MFNG: variants seen among roughly 807,000 people sequenced by gnomAD.
MFNG encodes the protein beta-1,3-N-acetylglucosaminyltransferase manic fringe.
In MFNG, 24 loss-of-function variants were observed where a neutral mutation model predicts 34.2. The ratio of observed to expected loss-of-function variants is 0.70; its 90% CI spans 0.51 to 0.99. The LOEUF (loss-of-function observed/expected upper bound fraction) is 0.99, where lower values mean the gene tolerates loss of function less well. Ranked by LOEUF, MFNG falls within the 50% of genes least tolerant of loss-of-function variation. The probability of loss-of-function intolerance (pLI) is 0.00; values close to 1 mark genes in which losing one functional copy is unlikely to be tolerated. For missense variants in MFNG, 383 were observed against 424.0 expected (o/e 0.90, Z 0.85); for synonymous variants, 158 against 179.2 (o/e 0.88, Z 0.94).
intron 5 of MFNG, among the ~76,000 whole-genome samples, chr22:37,476,271 G>A (rs184117197): frequency 1.6e-3 from 240 of 150,346 alleles, no homozygotes; most frequent in African/African-American, 5.3e-3. Flanking sequence ...CCCACACTGC[G>A]GCCTCCACTA....
At chr22:37,476,836 C>T (rs1922062421) in intron 5 of MFNG, 60 bp downstream of exon 5, 1 of 1,396,182 alleles carries the variant, frequency 7.2e-7, no homozygotes, top group Admixed American at 1.8e-5. Context: ...AAAGGCCCCT[C>T]CTGTACCCCA....
chr22:37,478,623 G>A (rs1922144155), intron 4 of MFNG, among the ~76,000 whole-genome samples: 1 of 152,094 alleles, frequency 6.6e-6, no homozygotes, highest in Non-Finnish European at 1.5e-5. Flanking sequence ...GGTGGGGAAG[G>A]GTTCTGGGGC....
intron 7 of MFNG, among the ~76,000 whole-genome samples, chr22:37,470,807 A>T (rs1329025953): frequency 6.6e-6 from 1 of 152,084 alleles, no homozygotes; most frequent in Non-Finnish European, 1.5e-5. Context: ...CCACGTCCCC[A>T]ACCAAATTTG....
At chr22:37,471,899 T>C (rs1921823687) in intron 7 of MFNG, among the ~76,000 whole-genome samples, 1 of 137,738 alleles carries the variant, frequency 7.3e-6, no homozygotes. Flanking sequence ...AAGCTGCATA[T>C]CACAGGCTAT....
intron 7 of MFNG, among the ~76,000 whole-genome samples, chr22:37,470,574 C>T (rs982047819): frequency 2.0e-5 from 3 of 152,230 alleles, no homozygotes; most frequent in Admixed American, 6.5e-5. Flanking sequence ...CAGCTTCGTT[C>T]GTCTTGGAAT....
Position 37,485,185 on chromosome 22 carries a change from A to G in MFNG, c.255+738T>C, listed in dbSNP as rs548643151. 1.5e-4 allele frequency among the ~76,000 whole-genome samples: 22 copies of G among 149,680 alleles called. No individual in the cohort carries two copies. The highest frequency in any genetic ancestry group is 7.8e-4 in the East Asian group (4 of 5,104). On this transcript the variant is annotated intron_variant, in intron 1 of 7. Transcript: ENST00000356998. The surrounding 1 kb of genome is among the most constrained non-coding windows in gnomAD (Gnocchi z 5.3). Reference sequence around the variant, plus strand: ...ACACTCCAGCTCCGTGCGTGTGAGCACACACACACACACACACACAATCCC... The same window carrying G: ...ACACTCCAGCTCCGTGCGTGTGAGCGCACACACACACACACACACAATCCC...
chr22:37,482,771 C>G lies in MFNG; in HGVS notation c.256-2002G>C, dbSNP rs1326982785. Among the ~76,000 whole-genome samples the G allele has an allele frequency of 6.6e-6, 1 of 152,192 alleles. No individual in the cohort carries two copies. Among genetic ancestry groups the G allele is most frequent in the Admixed American group, 6.5e-5 (1 of 15,278 alleles). On this transcript the variant is annotated intron_variant, in intron 1 of 7. Coordinates refer to ENST00000356998, the MANE Select transcript of MFNG (RefSeq NM_002405.4). The surrounding 1 kb of genome is among the most constrained non-coding windows in gnomAD (Gnocchi z 4.1). ...CCTTGCTCCGGCACCTGGCTCTCCT[C>G]AGGAAGGCCTGTGCAGCATCCACCC...
intron 4 of MFNG, 94 bp from the exon 5 acceptor site, chr22:37,477,075 G>T: frequency 9.9e-7 from 1 of 1,009,650 alleles, no homozygotes; most frequent in East Asian, 2.4e-5. Flanking sequence ...AACCAGCATG[G>T]CTCAAAAGCC....
intron 7 of MFNG, among the ~76,000 whole-genome samples, chr22:37,471,401 C>G (rs185039154): frequency 2.2e-4 from 33 of 152,312 alleles, no homozygotes; most frequent in African/African-American, 7.5e-4. Context: ...CAAGGTGAAG[C>G]CAGCCCATCA....
At chr22:37,480,965 G>T in intron 1 of MFNG, 196 bp from the exon 2 acceptor site, 2 of 603,132 alleles carry the variant, frequency 3.3e-6, no homozygotes, top group Non-Finnish European at 3.0e-6. Context: ...ACAACTTCAG[G>T]GTGTACACAG....
intron 7 of MFNG, among the ~76,000 whole-genome samples, chr22:37,470,521 A>G (rs778052991): frequency 1.7e-4 from 26 of 152,262 alleles, no homozygotes; most frequent in Non-Finnish European, 3.1e-4. Flanking sequence ...CAGTATAGCT[A>G]CGGCTTACAC....
Position 37,483,777 on chromosome 22 carries a change from T to C in MFNG, c.255+2146A>G, listed in dbSNP as rs1253495165. ...AACAGAGTGAGACTCTGTCTCAAAA[T>C]AAACAAAACAAAACACCAGCAGCCA... On this transcript the variant is annotated intron_variant, in intron 1 of 7. Coordinates refer to ENST00000356998, the MANE Select transcript of MFNG (RefSeq NM_002405.4). The surrounding 1 kb of genome is among the most constrained non-coding windows in gnomAD (Gnocchi z 4.5). Among the ~76,000 whole-genome samples the C allele has an allele frequency of 6.6e-6, 1 of 151,012 alleles. No individual in the cohort carries two copies. The highest frequency in any genetic ancestry group is 1.5e-5 in the Non-Finnish European group (1 of 67,832).
rs1450618740 is a variant in MFNG, at chr22:37,472,528, C to T, written c.814G>A (p.Val272Ile). Residue 272 changes from valine (V) to isoleucine (I), a missense_variant and splice_region_variant, in exon 7 of 8, where the codon GTC becomes ATC. Coordinates refer to ENST00000356998, the MANE Select transcript of MFNG (RefSeq NM_002405.4). ...LLRTAQLPEQ[V>I]TLSYGVFEGK... ...TCAAAGACACCGTAGCTGAGGGTGA[C>T]CTGGGCAGGGAGATAGAAGAGTGTT... The T allele has an allele frequency of 1.3e-6, 2 of 1,580,412 alleles. No individual in the cohort carries two copies. The highest frequency in any genetic ancestry group is 2.8e-5 in the African/African-American group (2 of 72,296).
rs941978085 is a variant in MFNG at position 37,469,584 on chromosome 22, G to T, written c.*379C>A. ...GCGCTTGAGCCCCAGGGGAATGACTGAGAGACATTAGCCAGGGCCAACGGC... is the reference window on the plus strand; with the variant it reads ...GCGCTTGAGCCCCAGGGGAATGACTTAGAGACATTAGCCAGGGCCAACGGC... On this transcript the variant is annotated 3_prime_UTR_variant, in exon 8 of 8. Coordinates refer to ENST00000356998, the MANE Select transcript of MFNG (RefSeq NM_002405.4). The T allele has an allele frequency of 5.5e-6, 2 of 362,836 alleles. No homozygotes were observed. The highest frequency in any genetic ancestry group is 7.5e-5 in the Admixed American group (2 of 26,640). 22.5% of individuals were successfully genotyped at this position (362,836 alleles called of 1,614,324 possible).
chr22:37,469,548 T>C lies in MFNG; in HGVS notation c.*415A>G, dbSNP rs1255047134. Reference sequence around the variant, plus strand: ...GGGACACAGATGAGGGAGGCAGGAGTGGGCGGCCCAGCGCTTGAGCCCCAG... The same window carrying C: ...GGGACACAGATGAGGGAGGCAGGAGCGGGCGGCCCAGCGCTTGAGCCCCAG... On this transcript the variant is annotated 3_prime_UTR_variant, in exon 8 of 8. Coordinates refer to ENST00000356998, the MANE Select transcript of MFNG (RefSeq NM_002405.4). 1 of 328,580 alleles carries C rather than the reference T, an allele frequency of 3.0e-6. No homozygotes were observed. Among genetic ancestry groups the C allele is most frequent in the African/African-American group, 2.2e-5 (1 of 46,178 alleles). 20.4% of individuals were successfully genotyped at this position (328,580 alleles called of 1,614,324 possible).
chr22:37,476,904 C>T lies in MFNG; in HGVS notation c.639G>A (p.Pro213=), dbSNP rs201325626. 122 of 1,613,828 alleles carry T rather than the reference C, an allele frequency of 7.6e-5. No homozygotes were observed. Among genetic ancestry groups the T allele is most frequent in the African/African-American group, 5.3e-5 (4 of 75,018 alleles). ...INRKLALKMA[P]WASGSRFMDT... The stretch of plus-strand genomic sequence containing the variant: ...CCTGGGTCTCTGCTTACCTGGCCCA[C>T]GGAGCCATCTTCAAAGCCAGTTTGC... The change falls in exon 5 of 8, where the codon CCG becomes CCA. Residue 213 remains proline, a synonymous_variant. Transcript: ENST00000356998.
intron 3 of MFNG, 26 bp from the exon 4 acceptor site, chr22:37,479,524 A>T: frequency 6.2e-7 from 1 of 1,607,112 alleles, no homozygotes; most frequent in Non-Finnish European, 8.5e-7. Flanking sequence ...GGGGACAGTG[A>T]ACTTGTTGGG....
Position 37,485,873 on chromosome 22 carries a change from C to A in MFNG, c.255+50G>T, listed in dbSNP as rs768433920. 4 of 1,563,214 alleles carry A rather than the reference C, an allele frequency of 2.6e-6. No individual in the cohort carries two copies. Among genetic ancestry groups the A allele is most frequent in the Non-Finnish European group, 3.5e-6 (4 of 1,151,440 alleles). On this transcript the variant is annotated intron_variant, in intron 1 of 7. Coordinates refer to ENST00000356998, the MANE Select transcript of MFNG (RefSeq NM_002405.4). The surrounding 1 kb of genome is among the most constrained non-coding windows in gnomAD (Gnocchi z 5.3). ...AGCCCAGTAGAAAGGCCTCTGAGAACCCCTTAGGCCAGGGGCCACCCCCAG... is the reference window on the plus strand; with the variant it reads ...AGCCCAGTAGAAAGGCCTCTGAGAAACCCTTAGGCCAGGGGCCACCCCCAG...
At position 37,471,830 on chromosome 22, in the gene MFNG, CAA is replaced by C. The variant is rs913243094; in HGVS notation, c.899+611_899+612del. Among the ~76,000 whole-genome samples the C allele has an allele frequency of 1.2e-3, 41 of 35,500 alleles. No individual in the cohort carries two copies. In the East Asian group the frequency reaches 0.028, roughly 24 times the overall value. 23.3% of individuals were successfully genotyped at this position (35,500 alleles called of 152,430 possible). A position where few individuals can be genotyped will look rare whatever the true frequency, so the allele number is the denominator to read the frequency against. On this transcript the variant is annotated intron_variant, in intron 7 of 7. Coordinates refer to ENST00000356998, the MANE Select transcript of MFNG (RefSeq NM_002405.4). ...TGGGCAACAGAGCGAGGCTCCATCT[CAA>C]AAAAAAAAAAAAAAAAAAAAAAAGC...
Sources: allele counts gnomAD v4.1 joint callset (sites outside exome capture counted in the v4.1 genomes callset), GRCh38; gene constraint gnomAD v4.1.1; non-coding constraint Gnocchi (gnomAD v3.1); transcripts MANE v1.5; gene names NCBI Gene and HGNC (gene_info 2026-07-23, HGNC 2026-07-21).